Variants in SLIT3 observed in about 807,000 individuals in gnomAD.
SLIT3 encodes the protein slit homolog 3 protein.
SLIT3 carries 68 observed loss-of-function variants against 184.0 expected under a neutral mutation model. The observed-to-expected ratio is 0.37, with a 90% CI of 0.30 to 0.45. SLIT3 has a LOEUF of 0.45. SLIT3 is among the 20% of genes least tolerant of loss of function. The probability of loss-of-function intolerance (pLI) is 1.00; values close to 1 mark genes in which losing one functional copy is unlikely to be tolerated. For missense variants in SLIT3, 1,707 were observed against 2,026.0 expected (o/e 0.84, Z 3.02); for synonymous variants, 831 against 828.6 (o/e 1.00, Z -0.05).
intron 9 of SLIT3, among the ~76,000 whole-genome samples, chr5:168,798,181 C>T (rs1366975366): frequency 6.7e-6 from 1 of 149,998 alleles, no homozygotes. Flanking sequence ...ACCCCTCACA[C>T]TTGCTCACTC....
At chr5:169,236,406 A>C (rs1020671166) in intron 3 of SLIT3, among the ~76,000 whole-genome samples, 1 of 152,090 alleles carries the variant, frequency 6.6e-6, no homozygotes, top group African/African-American at 2.4e-5. Context: ...GGTGCTGGGC[A>C]TGCTCATTGC....
intron 10 of SLIT3, chr5:168,791,828 AACTT>A (rs1756382809): frequency 6.6e-6 from 1 of 152,156 alleles, no homozygotes; most frequent in Non-Finnish European, 1.5e-5. Context: ...GGATCTCTTG[AACTT>A]ACTTCTCCTG....
chr5:168,755,409 C>CTTTTCT (rs746168339), intron 16 of SLIT3, among the ~76,000 whole-genome samples: 1 of 22,498 alleles, frequency 4.4e-5, no homozygotes, highest in Non-Finnish European at 7.8e-5. Context: ...TTCTTTCTTT[C>CTTTTCT]TTTCTTTCTT....
At chr5:169,099,769 G>A (rs772301851) in intron 4 of SLIT3, among the ~76,000 whole-genome samples, 2 of 152,196 alleles carry the variant, frequency 1.3e-5, no homozygotes, top group Non-Finnish European at 2.9e-5. Flanking sequence ...AGGGGAGGAT[G>A]GTAACACAGT....
chr5:168,972,336 C>CGTGTGTGTGTGTGT (rs1353519749), intron 4 of SLIT3, among the ~76,000 whole-genome samples: 851 of 39,750 alleles, frequency 0.021, 5 homozygotes, highest in Middle Eastern at 0.034. Flanking sequence ...TGCAGGACAA[C>CGTGTGTGTGTGTGT]ATGTGTGTGT....
At chr5:169,210,816 G>A (rs576414466) in intron 3 of SLIT3, among the ~76,000 whole-genome samples, 12 of 152,186 alleles carry the variant, frequency 7.9e-5, no homozygotes, top group Admixed American at 1.3e-4. Context: ...CAATTCTTCC[G>A]CACACTAGTA....
intron 4 of SLIT3, among the ~76,000 whole-genome samples, chr5:169,137,643 G>T (rs1023931434): frequency 1.3e-5 from 2 of 151,964 alleles, no homozygotes; most frequent in African/African-American, 4.8e-5. Context: ...AATGACAACT[G>T]TGATTACCTT....
intron 4 of SLIT3, among the ~76,000 whole-genome samples, chr5:169,175,496 T>C (rs1274354015): frequency 6.6e-6 from 1 of 152,190 alleles, no homozygotes; most frequent in Non-Finnish European, 1.5e-5. Flanking sequence ...GAAATGGTAA[T>C]ACCCATTTCC....
chr5:169,025,328 A>G (rs1036358430), intron 4 of SLIT3, among the ~76,000 whole-genome samples: 13 of 152,206 alleles, frequency 8.5e-5, no homozygotes, highest in Admixed American at 2.6e-4. Context: ...CCCAGCTCGT[A>G]CCAGAAGGTA....
intron 4 of SLIT3, among the ~76,000 whole-genome samples, chr5:168,981,186 A>T (rs1754932858): frequency 6.6e-6 from 1 of 152,216 alleles, no homozygotes; most frequent in Non-Finnish European, 1.5e-5. Context: ...ATTAGACACA[A>T]GCAAAGTTGC....
intron 4 of SLIT3, among the ~76,000 whole-genome samples, chr5:169,152,352 G>A (rs778779806): frequency 8.5e-5 from 13 of 152,216 alleles, no homozygotes; most frequent in African/African-American, 1.7e-4. Flanking sequence ...GGGGAGACTC[G>A]AACCTGCTGA....
At chr5:168,932,995 G>C (rs888918987) in intron 4 of SLIT3, among the ~76,000 whole-genome samples, 1 of 152,166 alleles carries the variant, frequency 6.6e-6, no homozygotes, top group East Asian at 1.9e-4. Context: ...ATACTGGCAA[G>C]CATACCAGGG....
intron 3 of SLIT3, among the ~76,000 whole-genome samples, chr5:169,219,785 T>C (rs757904333): frequency 7.9e-5 from 12 of 152,304 alleles, no homozygotes; most frequent in Admixed American, 4.6e-4. Context: ...CAGAAGCAGT[T>C]TATCACCCAA....
rs1757980780 is a variant in SLIT3 at position 169,055,774 on chromosome 5, T to C, written c.413+137705A>G. Among the ~76,000 whole-genome samples the C allele has an allele frequency of 1.3e-5, 2 of 149,120 alleles. 1 individual carries two copies. Among genetic ancestry groups the C allele is most frequent in the South Asian group, 4.2e-4 (2 of 4,710 alleles). On this transcript the variant is annotated intron_variant, in intron 4 of 35. Coordinates refer to ENST00000519560, the MANE Select transcript of SLIT3 (RefSeq NM_003062.4). ...TGAACCCGGGAGGCGGTGGTTGCAG[T>C]GAGCCAAGATTGCACCACTGCACTC...
chr5:169,149,485 G>A (rs370649433), intron 4 of SLIT3, among the ~76,000 whole-genome samples: 1 of 152,090 alleles, frequency 6.6e-6, no homozygotes, highest in Admixed American at 6.5e-5. Context: ...CCATCTGTAA[G>A]AGACCCAGAC....
intron 4 of SLIT3, among the ~76,000 whole-genome samples, chr5:168,927,600 T>C (rs1761870987): frequency 6.6e-6 from 1 of 152,230 alleles, no homozygotes; most frequent in Non-Finnish European, 1.5e-5. Context: ...TGGGATCCAA[T>C]CTGCTCTTAG....
chr5:168,725,333 A>C (rs1251205576), intron 20 of SLIT3, among the ~76,000 whole-genome samples: 1 of 152,262 alleles, frequency 6.6e-6, no homozygotes, highest in African/African-American at 2.4e-5. Context: ...ATCATGAATT[A>C]CAAAGGTTAT....
At chr5:169,014,289 T>C (rs780483023) in intron 4 of SLIT3, among the ~76,000 whole-genome samples, 2 of 152,148 alleles carry the variant, frequency 1.3e-5, no homozygotes, top group South Asian at 4.1e-4. Flanking sequence ...TCTTATTCTC[T>C]CTCTCCAGCT....
At chr5:169,057,114 A>T (rs1303886263) in intron 4 of SLIT3, among the ~76,000 whole-genome samples, 1 of 152,196 alleles carries the variant, frequency 6.6e-6, no homozygotes, top group Non-Finnish European at 1.5e-5. Flanking sequence ...TTAAGGCCAC[A>T]TTGAGGTTTG....
Sources: gnomAD v4.1 joint callset for allele counts (sites outside exome capture counted in the v4.1 genomes callset) on GRCh38, gnomAD v4.1.1 for gene constraint, MANE v1.5 for transcripts, NCBI Gene and HGNC (gene_info 2026-07-23, HGNC 2026-07-21) for gene names.